PPP1R14B: variants seen among roughly 807,000 people sequenced by gnomAD.
PPP1R14B encodes protein phosphatase 1 regulatory inhibitor subunit 14B.
A neutral mutation model predicts 14.7 loss-of-function variants in PPP1R14B; 4 were observed. The observed-to-expected ratio is 0.27, with a 90% CI of 0.13 to 0.62. The LOEUF is 0.62. Ranked by LOEUF, PPP1R14B falls within the 20% of genes least tolerant of loss-of-function variation. The probability of loss-of-function intolerance (pLI) is 0.85; values close to 1 mark genes in which losing one functional copy is unlikely to be tolerated. For missense variants in PPP1R14B, 138 were observed against 201.5 expected (o/e 0.68, Z 1.91); for synonymous variants, 76 against 87.3 (o/e 0.87, Z 0.72).
Position 64,245,401 on chromosome 11 carries a change from C to G in PPP1R14B, c.259-114G>C, listed in dbSNP as rs971808955. The G allele has an allele frequency of 6.0e-6, 5 of 837,958 alleles. No homozygotes were observed. In the African/African-American group the frequency reaches 8.5e-5, roughly 14 times the overall value. 51.9% of individuals were successfully genotyped at this position (837,958 alleles called of 1,614,324 possible). ...CCTCGGAGGAACCCAGCCCTCTGCCCAGCAGACAGAACAGCAGCTGCTCTG... is the reference window on the plus strand; with the variant it reads ...CCTCGGAGGAACCCAGCCCTCTGCCGAGCAGACAGAACAGCAGCTGCTCTG... On this transcript the variant is annotated intron_variant, in intron 1 of 3. Coordinates refer to ENST00000309318, the MANE Select transcript of PPP1R14B (RefSeq NM_138689.3).
rs1340760695 is a variant in PPP1R14B, at chr11:64,246,072, C to A, written c.258+344G>T. On this transcript the variant is annotated intron_variant, in intron 1 of 3. Coordinates refer to ENST00000309318, the MANE Select transcript of PPP1R14B (RefSeq NM_138689.3). ...CCAGCACCTTGTAACCACAGTCTAA[C>A]CCAGCGGGCACCAGGCGGTGAGACC... 2.0e-5 allele frequency: 6 copies of A among 297,130 alleles called. No individual in the cohort carries two copies. The South Asian group carries it at 2.6e-4, about 13-fold the overall frequency. The allele number at this position is 297,130 out of a possible 1,614,324, so 18.4% of individuals were successfully genotyped here.
rs755132822 is a variant in PPP1R14B at position 64,244,716 on chromosome 11, G to A, written c.*38C>T. 1.1e-5 allele frequency: 18 copies of A among 1,609,012 alleles called. No individual in the cohort carries two copies. The highest frequency in any genetic ancestry group is 1.5e-5 in the Non-Finnish European group (18 of 1,177,096). On this transcript the variant is annotated 3_prime_UTR_variant, in exon 4 of 4. Coordinates refer to ENST00000309318, the MANE Select transcript of PPP1R14B (RefSeq NM_138689.3). Reference sequence around the variant, plus strand: ...GCTACGAGGTTGGGGGGCAGCGATTGTCCTGTGGGAGCCACCGTTCTCCTG... The same window carrying A: ...GCTACGAGGTTGGGGGGCAGCGATTATCCTGTGGGAGCCACCGTTCTCCTG...
At chr11:64,244,882 G>A (rs940486534) in intron 3 of PPP1R14B, 48 bp downstream of exon 3, 3 of 1,611,968 alleles carry the variant, frequency 1.9e-6, no homozygotes, top group Non-Finnish European at 2.5e-6. Flanking sequence ...CAGGAGCCGG[G>A]CTCCCCTCAC....
At chr11:64,245,005 GT>G (rs2030815604) in intron 2 of PPP1R14B, 43 bp from the exon 3 acceptor site, 2 of 1,578,842 alleles carry the variant, frequency 1.3e-6, no homozygotes, top group Admixed American at 1.7e-5. Context: ...GTCCTCAGGA[GT>G]GGGGGCCTGG....
intron 1 of PPP1R14B, chr11:64,246,172 G>A (rs934602615): frequency 9.1e-6 from 5 of 547,978 alleles, no homozygotes; most frequent in Non-Finnish European, 1.3e-5. Flanking sequence ...GGCGTCTGGA[G>A]GACACTAGGC....
At chr11:64,245,077 A>G in intron 2 of PPP1R14B, 115 bp from the exon 3 acceptor site, 1 of 1,453,236 alleles carries the variant, frequency 6.9e-7, no homozygotes, top group Non-Finnish European at 9.4e-7. Context: ...AGATGCCACA[A>G]CAACCTCACA....
rs1239170927 is a variant in PPP1R14B, at chr11:64,246,426, T to C, written c.248A>G (p.Tyr83Cys). 3 of 1,608,166 alleles carry C rather than the reference T, an allele frequency of 1.9e-6. No individual in the cohort carries two copies. The highest frequency in any genetic ancestry group is 2.2e-5 in the East Asian group (1 of 44,700). ...EWILEQLTRL[Y>C]DCQEEEIPEL... ...GGGGTGGGAACACACCTGGCAGTCG[T>C]AGAGGCGCGTGAGCTGCTCCAGGAT... Residue 83 changes from tyrosine to cysteine, a missense_variant, in exon 1 of 4, where the codon TAC becomes TGC. Transcript: ENST00000309318.
chr11:64,244,809 C>T lies in PPP1R14B; in HGVS notation c.389G>A (p.Gly130Asp). Reference protein sequence around the residue: ...CYKPTEAFISGLLDKIRGMQK... With the variant: ...CYKPTEAFISDLLDKIRGMQK... The stretch of plus-strand genomic sequence containing the variant: ...CATGCCCCGGATCTTGTCCAGCAGG[C>T]CAGAAATGAAGGCCTGGATGGGGTG... Residue 130 changes from glycine (G) to aspartate (D), a missense_variant, in exon 4 of 4, where the codon GGC becomes GAC. Coordinates refer to ENST00000309318, the MANE Select transcript of PPP1R14B (RefSeq NM_138689.3). The T allele has an allele frequency of 3.7e-6, 6 of 1,614,108 alleles. No individual in the cohort carries two copies. Among genetic ancestry groups the T allele is most frequent in the Non-Finnish European group, 5.1e-6 (6 of 1,180,004 alleles).
At chr11:64,245,141 C>A in intron 2 of PPP1R14B, 63 bp downstream of exon 2, 1 of 1,567,686 alleles carries the variant, frequency 6.4e-7, no homozygotes, top group Non-Finnish European at 8.7e-7. Flanking sequence ...GAGGGCCTGG[C>A]TCCACAGCCT....
intron 1 of PPP1R14B, chr11:64,245,598 C>T (rs1591090694): frequency 8.0e-6 from 2 of 250,496 alleles, no homozygotes; most frequent in Middle Eastern, 1.1e-3. Flanking sequence ...CATCCGGGCC[C>T]CCCATCTCAC....
Position 64,244,735 on chromosome 11 carries a change from T to C in PPP1R14B, c.*19A>G. 2 of 1,611,822 alleles carry C rather than the reference T, an allele frequency of 1.2e-6. No individual in the cohort carries two copies. Among genetic ancestry groups the C allele is most frequent in the Non-Finnish European group, 1.7e-6 (2 of 1,178,932 alleles). On this transcript the variant is annotated 3_prime_UTR_variant, in exon 4 of 4. Coordinates refer to ENST00000309318, the MANE Select transcript of PPP1R14B (RefSeq NM_138689.3). ...GCGATTGTCCTGTGGGAGCCACCGT[T>C]CTCCTGGGTCGGGGACCGTCACTTC... is the stretch of plus-strand genomic sequence containing the variant.
chr11:64,245,545 T>C (rs1486562241), intron 1 of PPP1R14B: 1 of 479,124 alleles, frequency 2.1e-6, no homozygotes, highest in East Asian at 3.5e-5. Flanking sequence ...ACAGCCAGGG[T>C]TGGGGACCTT....
chr11:64,245,617 C>T, intron 1 of PPP1R14B: 1 of 320,016 alleles, frequency 3.1e-6, no homozygotes, highest in East Asian at 6.2e-5. Context: ...ACCAGAGCAC[C>T]GGTGGGTGCA....
chr11:64,245,341 G>T (rs1218961651), intron 1 of PPP1R14B, 54 bp from the exon 2 acceptor site: 1 of 1,495,828 alleles, frequency 6.7e-7, no homozygotes, highest in Non-Finnish European at 9.2e-7. Flanking sequence ...TGGAGAGAGG[G>T]TGTGAGAGGG....
chr11:64,245,384 G>A, intron 1 of PPP1R14B, 97 bp from the exon 2 acceptor site: 1 of 997,746 alleles, frequency 1.0e-6, no homozygotes, highest in Non-Finnish European at 1.5e-6. Context: ...TACCTCGGAG[G>A]AACCCAGCCC....
At chr11:64,245,644 A>C (rs72922039) in intron 1 of PPP1R14B, 38,160 of 232,730 alleles carry the variant, frequency 0.16, 3,567 homozygotes, top group Admixed American at 0.27. Context: ...CCAGCTTATC[A>C]TACCCCCCTC....
chr11:64,246,826 A>T lies in PPP1R14B; in HGVS notation c.-153T>A, dbSNP rs1188766532. On this transcript the variant is annotated 5_prime_UTR_variant, in exon 1 of 4. An upstream start codon of the reference 5' UTR is lost. Coordinates refer to ENST00000309318, the MANE Select transcript of PPP1R14B (RefSeq NM_138689.3). ...GGGGGCGCCCGGGGGCAGCTGCAGC[A>T]TGCGGAGCCCCCGGGCTTGGCCTGG... The T allele has an allele frequency of 2.2e-5, 11 of 507,788 alleles. No homozygotes were observed. The highest frequency in any genetic ancestry group is 2.5e-5 in the Non-Finnish European group (10 of 395,724). The allele number at this position is 507,788 out of a possible 1,614,324, so 31.5% of individuals were successfully genotyped here.
At chr11:64,245,352 G>T in intron 1 of PPP1R14B, 65 bp from the exon 2 acceptor site, 1 of 1,415,364 alleles carries the variant, frequency 7.1e-7, no homozygotes, top group Non-Finnish European at 9.8e-7. Flanking sequence ...TGTGAGAGGG[G>T]CTCTGGGTTG....
At chr11:64,245,139 G>T in intron 2 of PPP1R14B, 65 bp downstream of exon 2, 1 of 1,560,660 alleles carries the variant, frequency 6.4e-7, no homozygotes, top group South Asian at 1.2e-5. Flanking sequence ...TTGAGGGCCT[G>T]GCTCCACAGC....
Sources: allele counts gnomAD v4.1 joint callset, GRCh38; gene constraint gnomAD v4.1.1; transcripts MANE v1.5; gene names NCBI Gene and HGNC (gene_info 2026-07-23, HGNC 2026-07-21).